The following VRK2 variants were observed in gnomAD, a reference collection of about 807,000 sequenced individuals.
VRK2 encodes the protein VRK serine/threonine kinase 2, also known as serine/threonine-protein kinase VRK2.
Under a neutral mutation model 57.6 loss-of-function variants are expected in VRK2, and 60 were observed. The observed-to-expected ratio is 1.04, with a 90% CI of 0.85 to 1.29. VRK2 has a LOEUF of 1.29. Among genes scored for constraint, VRK2 ranks in the 50% most tolerant of loss-of-function variants. The probability of loss-of-function intolerance (pLI) is 0.00; values close to 1 mark genes in which losing one functional copy is unlikely to be tolerated. For synonymous variants in VRK2, 231 were observed against 199.2 expected (o/e 1.16, Z -1.35); for missense variants, 705 against 588.1 (o/e 1.20, Z -2.06).
intron 1 of VRK2, among the ~76,000 whole-genome samples, chr2:57,932,355 T>A (rs6740106): frequency 0.29 from 44,525 of 152,030 alleles, 7,453 homozygotes; most frequent in African/African-American, 0.47. Context: ...GATTTTTGAT[T>A]ACCTATTCAA....
At chr2:58,000,933 C>G (rs1238153018) in intron 1 of VRK2, among the ~76,000 whole-genome samples, 1 of 152,092 alleles carries the variant, frequency 6.6e-6, no homozygotes, top group East Asian at 1.9e-4. Context: ...ATCATCTAGG[C>G]TAGAATAACA....
At chr2:57,914,735 C>T (rs1180505300) in intron 1 of VRK2, among the ~76,000 whole-genome samples, 1 of 152,014 alleles carries the variant, frequency 6.6e-6, no homozygotes, top group Non-Finnish European at 1.5e-5. Context: ...AAAGTTAAGC[C>T]AGAAAATTTT....
intron 1 of VRK2, among the ~76,000 whole-genome samples, chr2:57,954,358 T>C (rs906204876): frequency 6.6e-6 from 1 of 152,058 alleles, no homozygotes; most frequent in African/African-American, 2.4e-5. Context: ...TATCGCCTCA[T>C]CCAACCCCTT....
intron 1 of VRK2, among the ~76,000 whole-genome samples, chr2:57,914,595 T>A (rs959760452): frequency 3.3e-5 from 5 of 152,052 alleles, no homozygotes; most frequent in African/African-American, 1.2e-4. Flanking sequence ...TTCTTCTTCA[T>A]CCAAATATCC....
intron 1 of VRK2, among the ~76,000 whole-genome samples, chr2:57,962,870 A>G (rs1671802406): frequency 6.6e-6 from 1 of 152,192 alleles, no homozygotes; most frequent in African/African-American, 2.4e-5. Context: ...TATAAATTGC[A>G]CTTTATTTCT....
At chr2:57,932,965 T>G (rs1047436204) in intron 1 of VRK2, among the ~76,000 whole-genome samples, 10 of 152,202 alleles carry the variant, frequency 6.6e-5, no homozygotes, top group Admixed American at 6.5e-4. Flanking sequence ...TTAATTTCCA[T>G]ATATTGTGAA....
intron 5 of VRK2, among the ~76,000 whole-genome samples, chr2:58,086,714 G>A (rs1228443897): frequency 6.6e-6 from 1 of 152,174 alleles, no homozygotes; most frequent in Non-Finnish European, 1.5e-5. Flanking sequence ...CTACTGGTAG[G>A]CCTAAGAAGA....
At chr2:58,049,010 A>T (rs1321524727) in intron 2 of VRK2, 43 bp downstream of exon 2, 8 of 1,585,546 alleles carry the variant, frequency 5.0e-6, no homozygotes, top group Non-Finnish European at 6.9e-6. Flanking sequence ...TATATCTGTG[A>T]CTGTAACCGT....
At chr2:57,961,776 T>C (rs1671769573) in intron 1 of VRK2, among the ~76,000 whole-genome samples, 1 of 152,154 alleles carries the variant, frequency 6.6e-6, no homozygotes, top group Non-Finnish European at 1.5e-5. Flanking sequence ...TGATAGAGGC[T>C]CAGTCAAGAA....
At chr2:58,086,178 C>A in intron 4 of VRK2, 161 bp from the exon 5 acceptor site, 2 of 523,100 alleles carry the variant, frequency 3.8e-6, no homozygotes, top group Non-Finnish European at 6.7e-6. Flanking sequence ...ATAGTGGTAA[C>A]AGTTTGAGGC....
intron 2 of VRK2, among the ~76,000 whole-genome samples, chr2:58,051,796 C>T (rs941745783): frequency 3.9e-5 from 6 of 152,102 alleles, no homozygotes; most frequent in Admixed American, 1.3e-4. Context: ...GGTATTTACT[C>T]TTGACTTGGA....
intron 1 of VRK2, 76 bp downstream of exon 1, chr2:58,046,944 GA>G: frequency 1.0e-6 from 1 of 985,580 alleles, no homozygotes; most frequent in Non-Finnish European, 1.2e-6. Context: ...GCCCCGCTCG[GA>G]AAAGGGCTGC....
At chr2:57,976,592 T>C (rs1383852218) in intron 1 of VRK2, among the ~76,000 whole-genome samples, 1 of 152,138 alleles carries the variant, frequency 6.6e-6, no homozygotes, top group Admixed American at 6.6e-5. Flanking sequence ...AAGTTCCTTA[T>C]AGATTTCTTA....
At chr2:57,974,377 A>G (rs569623857) in intron 1 of VRK2, among the ~76,000 whole-genome samples, 1 of 152,042 alleles carries the variant, frequency 6.6e-6, no homozygotes, top group African/African-American at 2.4e-5. Flanking sequence ...AACTAACATA[A>G]AATACTCACA....
At chr2:58,134,208 C>T (rs539597801) in intron 9 of VRK2, among the ~76,000 whole-genome samples, 2 of 152,258 alleles carry the variant, frequency 1.3e-5, no homozygotes, top group African/African-American at 4.8e-5. Context: ...AACCCCTGTA[C>T]CCCAAGCAAG....
intron 1 of VRK2, among the ~76,000 whole-genome samples, chr2:57,927,782 T>G (rs1199922401): frequency 4.6e-5 from 7 of 152,202 alleles, no homozygotes; most frequent in Non-Finnish European, 1.5e-5. Context: ...TTCTTCTTTA[T>G]ATTTGAAGGA....
intron 1 of VRK2, among the ~76,000 whole-genome samples, chr2:57,959,271 C>T (rs574407773): frequency 6.6e-6 from 1 of 152,264 alleles, no homozygotes; most frequent in Admixed American, 6.5e-5. Context: ...TCTGGTTTAT[C>T]ATGTTCTTAT....
chr2:58,110,835 C>A (rs529468798), intron 7 of VRK2, among the ~76,000 whole-genome samples: 6 of 152,222 alleles, frequency 3.9e-5, no homozygotes, highest in Admixed American at 1.3e-4. Flanking sequence ...GTGCCCACTC[C>A]CGACATTGGG....
intron 10 of VRK2, among the ~76,000 whole-genome samples, chr2:58,136,648 G>C (rs147046653): frequency 6.6e-6 from 1 of 151,622 alleles, no homozygotes. Context: ...CCCTCCCAAA[G>C]TGCTGGGATT....
Sources: gnomAD v4.1 joint callset for allele counts (sites outside exome capture counted in the v4.1 genomes callset) on GRCh38, gnomAD v4.1.1 for gene constraint, MANE v1.5 for transcripts, NCBI Gene and HGNC (gene_info 2026-07-23, HGNC 2026-07-21) for gene names.